Variants in HDGFL2 observed in about 807,000 individuals in gnomAD.
HDGFL2 encodes the protein hepatoma-derived growth factor-related protein 2.
In HDGFL2, 36 loss-of-function variants were observed where a neutral mutation model predicts 77.1. That is an observed-to-expected ratio of 0.47 (90% CI 0.36 to 0.62). HDGFL2 has a LOEUF of 0.62. Ranked by LOEUF, HDGFL2 falls within the 20% of genes least tolerant of loss-of-function variation. The pLI is 0.00. For missense variants in HDGFL2, 976 were observed against 973.4 expected, an observed-to-expected ratio of 1.00 and a Z score of -0.04; for synonymous variants, 463 against 413.1, an observed-to-expected ratio of 1.12 and a Z score of -1.46.
At chr19:4,489,758 A>G (rs928916922) in intron 4 of HDGFL2, among the ~76,000 whole-genome samples, 1 of 152,182 alleles carries the variant, frequency 6.6e-6, no homozygotes, top group African/African-American at 2.4e-5. Context: ...AAATTGAGTT[A>G]TAGTCCATAC....
Position 4,499,506 on chromosome 19 carries a change from G to A in HDGFL2, c.1591G>A (p.Ala531Thr). 6.2e-7 allele frequency: 1 copy of A among 1,613,596 alleles called. No individual in the cohort carries two copies. The highest frequency in any genetic ancestry group is 8.5e-7 in the Non-Finnish European group (1 of 1,179,866). Residue 531 changes from alanine to threonine, a missense_variant, in exon 14 of 16, where the codon GCG becomes ACG. This residue lies in a region of HDGFL2 where 46 missense variants were observed against 81.3 expected (regional missense o/e 0.57). Coordinates refer to ENST00000616600, the MANE Select transcript of HDGFL2 (RefSeq NM_001001520.3). ...TGGTGGCCAGATTCGCCGTTACAAA[G>A]CGAACAAGGACGTAATGGAGAAGGC... ...ATLKKIRRYK[A>T]NKDVMEKAAE...
chr19:4,501,198 A>G lies in HDGFL2; in HGVS notation c.1797A>G (p.Ser599=), dbSNP rs1346630222. 6.2e-7 allele frequency: 1 copy of G among 1,613,294 alleles called. No homozygotes were observed. The highest frequency in any genetic ancestry group is 1.7e-5 in the Admixed American group (1 of 60,014). Residue 599 remains serine (S), a synonymous_variant, in exon 15 of 16, where the codon TCA becomes TCG. Coordinates refer to ENST00000616600, the MANE Select transcript of HDGFL2 (RefSeq NM_001001520.3). ...CCCCTCTGTCCCACCCAGATCTCTC[A>G]GCCCCAGTGAATGGCGAGGCCACAT... ...KAEDKPSTDL[S]APVNGEATSQ...
chr19:4,490,507 C>G (rs1291110174), intron 4 of HDGFL2, among the ~76,000 whole-genome samples: 1 of 152,188 alleles, frequency 6.6e-6, no homozygotes, highest in Non-Finnish European at 1.5e-5. Flanking sequence ...ATCAGGCTGC[C>G]GTGAACGTTT....
chr19:4,475,668 T>A, intron 3 of HDGFL2, 85 bp downstream of exon 3: 1 of 1,448,830 alleles, frequency 6.9e-7, no homozygotes, highest in East Asian at 2.4e-5. Flanking sequence ...CCCTGGGCAC[T>A]GTGGACACAT....
chr19:4,475,578 C>T lies in HDGFL2; in HGVS notation c.283C>T (p.Pro95Ser). The T allele has an allele frequency of 1.9e-6, 3 of 1,575,092 alleles. No homozygotes were observed. Among genetic ancestry groups the T allele is most frequent in the Non-Finnish European group, 2.6e-6 (3 of 1,167,486 alleles). ...CAACCCCCACGCCAGCTACAGCGCC[C>T]CTCCGGTGAGTACCCGGGGTGGAGA... ...QNNPHASYSA[P>S]PPVSSSDSEA... Residue 95 changes from proline (P) to serine (S), a missense_variant, in exon 3 of 16, where the codon CCT (proline) becomes TCT (serine). Coordinates refer to ENST00000616600, the MANE Select transcript of HDGFL2 (RefSeq NM_001001520.3).
rs778249024 is a variant in HDGFL2 at position 4,493,963 on chromosome 19, C to T, written c.839-19C>T. 6.2e-6 allele frequency: 10 copies of T among 1,600,612 alleles called. No individual in the cohort carries two copies. Among genetic ancestry groups the T allele is most frequent in the African/African-American group, 5.4e-5 (4 of 74,634 alleles). ...GGAGCCCTGGAAGGGAAGGTCACCC[C>T]CTCCTCCTCTTCCTGTAGCGGAGAA... On this transcript the variant is annotated intron_variant, in intron 7 of 15. Coordinates refer to ENST00000616600, the MANE Select transcript of HDGFL2 (RefSeq NM_001001520.3).
Position 4,499,722 on chromosome 19 carries a change from T to C in HDGFL2, c.1789+18T>C. On this transcript the variant is annotated intron_variant, in intron 14 of 15. Coordinates refer to ENST00000616600, the MANE Select transcript of HDGFL2 (RefSeq NM_001001520.3). ...CAGCACCGGTGAGGGGCGGGTGGGG[T>C]GGGCCCTGTACCTCAGTCTCCTCAG... 1 of 1,187,602 alleles carries C rather than the reference T, an allele frequency of 8.4e-7. No individual in the cohort carries two copies. Among genetic ancestry groups the C allele is most frequent in the Non-Finnish European group, 1.2e-6 (1 of 840,108 alleles). The allele number at this position is 1,187,602 out of a possible 1,614,324, so 73.6% of individuals were successfully genotyped here. A position where few individuals can be genotyped will look rare whatever the true frequency, so the allele number is the denominator to read the frequency against.
chr19:4,473,295 G>A (rs984518828), intron 1 of HDGFL2, among the ~76,000 whole-genome samples: 10 of 151,472 alleles, frequency 6.6e-5, no homozygotes, highest in Admixed American at 5.9e-4. Context: ...TGGGGGTCTG[G>A]GGCTTCTGTG....
Position 4,494,490 on chromosome 19 carries a change from C to G in HDGFL2, c.1224+15C>G. The G allele has an allele frequency of 7.3e-7, 1 of 1,366,904 alleles. No homozygotes were observed. Among genetic ancestry groups the G allele is most frequent in the Non-Finnish European group, 9.4e-7 (1 of 1,063,548 alleles). The allele number at this position is 1,366,904 out of a possible 1,614,324, so 84.7% of individuals were successfully genotyped here. A position where few individuals can be genotyped will look rare whatever the true frequency, so the allele number is the denominator to read the frequency against. On this transcript the variant is annotated intron_variant, in intron 9 of 15. Coordinates refer to ENST00000616600, the MANE Select transcript of HDGFL2 (RefSeq NM_001001520.3). ...TGGAGAGAGAGGTGAGCCGGGAGGG[C>G]GCCGGGAGTCCCTGCCTTCACTCCA... is the stretch of plus-strand genomic sequence containing the variant.
chr19:4,496,229 T>C, intron 9 of HDGFL2, 73 bp from the exon 10 acceptor site: 1 of 1,215,792 alleles, frequency 8.2e-7, no homozygotes, highest in Non-Finnish European at 1.2e-6. Context: ...CATCTCCTGG[T>C]AGTGGGATGG....
chr19:4,488,612 G>C, intron 3 of HDGFL2, 64 bp from the exon 4 acceptor site: 2 of 1,442,620 alleles, frequency 1.4e-6, no homozygotes, highest in African/African-American at 2.8e-5. Flanking sequence ...CTGGGTCATA[G>C]TCCTGATGGG....
chr19:4,478,445 G>A (rs1296867688), intron 3 of HDGFL2, among the ~76,000 whole-genome samples: 5 of 151,764 alleles, frequency 3.3e-5, no homozygotes, highest in African/African-American at 1.2e-4. Context: ...CAGGTAATCC[G>A]CCCACCTTGG....
chr19:4,489,989 G>A (rs1975464654), intron 4 of HDGFL2, among the ~76,000 whole-genome samples: 1 of 152,174 alleles, frequency 6.6e-6, no homozygotes, highest in South Asian at 2.1e-4. Flanking sequence ...CATAGAAATG[G>A]GGTCACACAC....
At position 4,494,384 on chromosome 19, in the gene HDGFL2, A is replaced by G; in HGVS notation, c.1133A>G (p.Asp378Gly). 7.1e-7 allele frequency: 1 copy of G among 1,402,472 alleles called. No individual in the cohort carries two copies. Among genetic ancestry groups the G allele is most frequent in the South Asian group, 1.6e-5 (1 of 62,114 alleles). The allele number at this position is 1,402,472 out of a possible 1,614,324, so 86.9% of individuals were successfully genotyped here. A position where few individuals can be genotyped will look rare whatever the true frequency, so the allele number is the denominator to read the frequency against. The change falls in exon 9 of 16, where the codon GAT becomes GGT. Residue 378 changes from aspartate (D) to glycine (G), a missense_variant. Physicochemically the swap from Asp to Gly is moderately conservative, Grantham distance 94 (BLOSUM62 -1). This residue lies in a region of HDGFL2 where 567 missense variants were observed against 534.7 expected (regional missense o/e 1.06). Transcript: ENST00000616600. Reference sequence around the variant, plus strand: ...AGCGGGGACGAGCTCAGGGAGGACGATGAGCCCGTCAAGAAGCGGGGACGC... The same window carrying G: ...AGCGGGGACGAGCTCAGGGAGGACGGTGAGCCCGTCAAGAAGCGGGGACGC... ...GSSGDELRED[D>G]EPVKKRGRKG...
Position 4,501,844 on chromosome 19 carries a change from C to A in HDGFL2, c.1917-67C>A, listed in dbSNP as rs994519619. On this transcript the variant is annotated intron_variant, in intron 15 of 15. Coordinates refer to ENST00000616600, the MANE Select transcript of HDGFL2 (RefSeq NM_001001520.3). ...GTACACTCCTCGGTGCCCATCCCAC[C>A]CAACCGCCCTACAGGCAGGGCAGGG... 3 of 1,254,326 alleles carry A rather than the reference C, an allele frequency of 2.4e-6. No homozygotes were observed. In the Admixed American group the frequency reaches 1.0e-4, roughly 43 times the overall value. The allele number at this position is 1,254,326 out of a possible 1,614,324, so 77.7% of individuals were successfully genotyped here. A position where few individuals can be genotyped will look rare whatever the true frequency, so the allele number is the denominator to read the frequency against.
chr19:4,482,887 C>A (rs138991170), intron 3 of HDGFL2, among the ~76,000 whole-genome samples: 1 of 152,104 alleles, frequency 6.6e-6, no homozygotes, highest in African/African-American at 2.4e-5. Context: ...TGTGGAAGAT[C>A]CTGGGGCATC....
At chr19:4,473,558 C>G (rs1490556063) in intron 1 of HDGFL2, among the ~76,000 whole-genome samples, 1 of 151,492 alleles carries the variant, frequency 6.6e-6, no homozygotes, top group Admixed American at 6.6e-5. Context: ...CTTGTGGGTC[C>G]TGGAGAAGCC....
intron 1 of HDGFL2, 90 bp from the exon 2 acceptor site, chr19:4,475,185 G>C (rs1448976887): frequency 2.7e-6 from 3 of 1,108,676 alleles, no homozygotes; most frequent in Non-Finnish European, 4.0e-6. Flanking sequence ...CCTCCTCCCA[G>C]CGTGATTTGC....
At chr19:4,501,404 G>A in intron 15 of HDGFL2, 87 bp downstream of exon 15, 2 of 1,455,368 alleles carry the variant, frequency 1.4e-6, no homozygotes, top group East Asian at 2.4e-5. Context: ...TCCTGTGCCA[G>A]TCCCTCTGGG....
Sources: allele counts gnomAD v4.1 joint callset (sites outside exome capture counted in the v4.1 genomes callset), GRCh38; gene constraint gnomAD v4.1.1; regional missense constraint gnomAD v4.1.1; transcripts MANE v1.5; gene names NCBI Gene and HGNC (gene_info 2026-07-23, HGNC 2026-07-21).